The following FNDC7 variants were observed in gnomAD, a reference collection of about 807,000 sequenced individuals.
FNDC7 encodes fibronectin type III domain-containing protein 7.
In FNDC7, 66 loss-of-function variants were observed where a neutral mutation model predicts 74.2. That is an observed-to-expected ratio of 0.89 (90% CI 0.73 to 1.09). The LOEUF is 1.09. FNDC7 is among the 50% of genes least tolerant of loss of function. The pLI is 0.00. For missense variants in FNDC7, 829 were observed against 893.4 expected (o/e 0.93, Z 0.92); for synonymous variants, 307 against 330.2 (o/e 0.93, Z 0.76).
At position 108,725,832 on chromosome 1, in the gene FNDC7, T is replaced by G. The variant is rs1469528157; in HGVS notation, c.939T>G (p.Gly313=). 1 of 1,611,430 alleles carries G rather than the reference T, an allele frequency of 6.2e-7. No individual in the cohort carries two copies. Among genetic ancestry groups the G allele is most frequent in the African/African-American group, 1.4e-5 (1 of 74,062 alleles). ...LSVAWSSVDL[G]DYYVVFVKSD... ...TGGCTTGGTCCAGTGTAGATCTGGG[T>G]GACTACTATGTGGTCTTTGTGAAGA... is the stretch of plus-strand genomic sequence containing the variant. The change falls in exon 6 of 13, where the codon GGT becomes GGG. Residue 313 remains glycine (G), a synonymous_variant. Coordinates refer to ENST00000370017, the MANE Select transcript of FNDC7 (RefSeq NM_001144937.3).
In FNDC7 at chr1:108,728,083, TTCCAC is replaced by T; in HGVS notation, c.1369+21_1369+25del. 1 of 1,606,684 alleles carries T rather than the reference TTCCAC, an allele frequency of 6.2e-7. No homozygotes were observed. Among genetic ancestry groups the T allele is most frequent in the Non-Finnish European group, 8.5e-7 (1 of 1,175,698 alleles). ...AACCACAGGTAAGGCACAGCTATCA[TTCCAC>T]TCACTGGTGTCTGAATGATTCACCC... On this transcript the variant is annotated intron_variant, in intron 7 of 12. Transcript: ENST00000370017.
chr1:108,730,586 A>T, intron 8 of FNDC7, 88 bp from the exon 9 acceptor site: 1 of 1,434,558 alleles, frequency 7.0e-7, no homozygotes, highest in Non-Finnish European at 9.4e-7. Flanking sequence ...TGAGTGAAAC[A>T]CAGGCAAAAT....
rs1304851394 is a variant in FNDC7 at position 108,718,034 on chromosome 1, G to A, written c.337+3G>A. The A allele has an allele frequency of 1.2e-5, 18 of 1,550,904 alleles. No individual in the cohort carries two copies. The East Asian group carries it at 3.7e-4, about 32-fold the overall frequency. On this transcript the variant is annotated splice_donor_region_variant and intron_variant, in intron 3 of 12. Transcript: ENST00000370017. Reference sequence around the variant, plus strand: ...ACCTCCAAAGCAGGCAAAGACAGGTGGCTGGATGGATGCTCATCCTCCGTT... The same window carrying A: ...ACCTCCAAAGCAGGCAAAGACAGGTAGCTGGATGGATGCTCATCCTCCGTT...
At chr1:108,721,187 CG>C (rs1323773095) in intron 4 of FNDC7, among the ~76,000 whole-genome samples, 2 of 152,120 alleles carry the variant, frequency 1.3e-5, no homozygotes, top group Non-Finnish European at 2.9e-5. Context: ...GAGGCCTTCC[CG>C]GCCGGGCACG....
At chr1:108,741,383 C>G (rs1340613100) in intron 11 of FNDC7, among the ~76,000 whole-genome samples, 1 of 152,166 alleles carries the variant, frequency 6.6e-6, no homozygotes, top group Non-Finnish European at 1.5e-5. Flanking sequence ...GAAGCTTCCT[C>G]TCTGTGACAT....
intron 7 of FNDC7, 128 bp from the exon 8 acceptor site, chr1:108,728,504 T>C (rs1661269101): frequency 9.7e-7 from 1 of 1,026,878 alleles, no homozygotes; most frequent in Admixed American, 2.0e-5. Flanking sequence ...ACTATGAATT[T>C]GGCCCGCATG....
chr1:108,735,812 T>C (rs1331733477), intron 10 of FNDC7, among the ~76,000 whole-genome samples: 1 of 152,110 alleles, frequency 6.6e-6, no homozygotes, highest in Non-Finnish European at 1.5e-5. Context: ...GTTTTTTTGT[T>C]TGTTTTTTAT....
intron 10 of FNDC7, among the ~76,000 whole-genome samples, chr1:108,736,755 C>T (rs1264501163): frequency 6.6e-6 from 1 of 152,162 alleles, no homozygotes; most frequent in Non-Finnish European, 1.5e-5. Flanking sequence ...CTCCTTTGCT[C>T]AGTGTCCCTG....
At chr1:108,737,588 G>T in intron 11 of FNDC7, 64 bp downstream of exon 11, 1 of 1,314,874 alleles carries the variant, frequency 7.6e-7, no homozygotes, top group South Asian at 1.3e-5. Context: ...TGGGGTTAAT[G>T]AAGTCAGCTG....
intron 7 of FNDC7, among the ~76,000 whole-genome samples, chr1:108,728,296 G>T (rs1661265456): frequency 6.6e-6 from 1 of 152,204 alleles, no homozygotes; most frequent in African/African-American, 2.4e-5. Flanking sequence ...AGAAGGTTTT[G>T]CCCATGATGA....
intron 10 of FNDC7, among the ~76,000 whole-genome samples, chr1:108,733,943 C>A (rs1053467497): frequency 6.6e-6 from 1 of 152,138 alleles, no homozygotes; most frequent in Non-Finnish European, 1.5e-5. Flanking sequence ...AACCACTGCA[C>A]CCAGTCAAGG....
intron 5 of FNDC7, among the ~76,000 whole-genome samples, chr1:108,723,389 T>C (rs1661138689): frequency 6.6e-6 from 1 of 152,176 alleles, no homozygotes. Context: ...ATTACAATAA[T>C]ATCTACTTTA....
intron 6 of FNDC7, among the ~76,000 whole-genome samples, chr1:108,727,186 G>A (rs901693693): frequency 1.1e-4 from 17 of 152,144 alleles, no homozygotes; most frequent in African/African-American, 2.2e-4. Context: ...TTAGCTGGAC[G>A]TGGTGGCATG....
At chr1:108,720,344 C>A (rs577546770) in intron 4 of FNDC7, among the ~76,000 whole-genome samples, 2 of 152,200 alleles carry the variant, frequency 1.3e-5, no homozygotes, top group Non-Finnish European at 2.9e-5. Context: ...GGTGAGTCAG[C>A]GTTTCCAGTT....
At chr1:108,716,096 C>T (rs1193599284) in intron 2 of FNDC7, among the ~76,000 whole-genome samples, 1 of 152,114 alleles carries the variant, frequency 6.6e-6, no homozygotes, top group Non-Finnish European at 1.5e-5. Flanking sequence ...CTTTTAGATG[C>T]CTTTCAAACT....
At chr1:108,717,694 G>A in intron 2 of FNDC7, 83 bp from the exon 3 acceptor site, 4 of 1,405,158 alleles carry the variant, frequency 2.8e-6, no homozygotes, top group Middle Eastern at 1.8e-4. Context: ...GCATGAGAAT[G>A]ATTTAGCTTG....
At chr1:108,738,977 C>T (rs1456758328) in intron 11 of FNDC7, among the ~76,000 whole-genome samples, 4 of 152,102 alleles carry the variant, frequency 2.6e-5, no homozygotes, top group African/African-American at 7.2e-5. Flanking sequence ...GGACCTAGGT[C>T]TGCATTCTTT....
chr1:108,730,538 T>G lies in FNDC7; in HGVS notation c.1625-136T>G, dbSNP rs540688668. On this transcript the variant is annotated intron_variant, in intron 8 of 12. Coordinates refer to ENST00000370017, the MANE Select transcript of FNDC7 (RefSeq NM_001144937.3). ...TCAGAGGGAATGAACAAAAGGAAAT[T>G]TTTTATTAACAATGGAAAGTTGGGG... 9.8e-6 allele frequency: 10 copies of G among 1,021,422 alleles called. No homozygotes were observed. In the South Asian group the frequency reaches 1.5e-4, roughly 15 times the overall value. The allele number at this position is 1,021,422 out of a possible 1,614,324, so 63.3% of individuals were successfully genotyped here.
intron 5 of FNDC7, among the ~76,000 whole-genome samples, chr1:108,723,021 G>A (rs977191422): frequency 2.0e-5 from 3 of 151,958 alleles, no homozygotes; most frequent in Non-Finnish European, 2.9e-5. Context: ...CTGAACATGC[G>A]TTTAGATATT....
Sources: gnomAD v4.1 joint callset for allele counts (sites outside exome capture counted in the v4.1 genomes callset) on GRCh38, gnomAD v4.1.1 for gene constraint, MANE v1.5 for transcripts, NCBI Gene and HGNC (gene_info 2026-07-23, HGNC 2026-07-21) for gene names.